Variants in ABCG8 observed in about 807,000 individuals in gnomAD.
ABCG8 encodes the protein ATP binding cassette subfamily G member 8.
Under a neutral mutation model 71.3 loss-of-function variants are expected in ABCG8, and 81 were observed. The ratio of observed to expected loss-of-function variants is 1.14; its 90% CI spans 0.95 to 1.37. The LOEUF is 1.37. ABCG8 is among the 40% of genes most tolerant of loss of function. ABCG8 has a pLI of 0.00. For missense variants in ABCG8, 1,119 were observed against 866.2 expected (o/e 1.29, Z -3.66); for synonymous variants, 451 against 354.7 (o/e 1.27, Z -3.05).
At chr2:43,843,574 A>G (rs972131139) in intron 1 of ABCG8, among the ~76,000 whole-genome samples, 6 of 152,062 alleles carry the variant, frequency 3.9e-5, no homozygotes, top group African/African-American at 1.4e-4. Flanking sequence ...GGATTGCTTG[A>G]GCCTGAGAGG....
In ABCG8 at chr2:43,882,120, A is replaced by C. The variant is rs1344329394; in HGVS notation, c.*4207A>C. The C allele has an allele frequency of 6.6e-6, 1 of 152,168 alleles. No individual in the cohort carries two copies. Among genetic ancestry groups the C allele is most frequent in the Admixed American group, 6.5e-5 (1 of 15,286 alleles). The allele number at this position is 152,168 out of a possible 1,614,324, so 9.4% of individuals were successfully genotyped here. A position where few individuals can be genotyped will look rare whatever the true frequency, so the allele number is the denominator to read the frequency against. ...GGGGAATTTTAATTAAACAGAAAAT[A>C]ATCACCAATATTGGCTCAAATATTT... is the stretch of plus-strand genomic sequence containing the variant. On this transcript the variant is annotated 3_prime_UTR_variant, in exon 13 of 13. Transcript: ENST00000272286.
In ABCG8 at chr2:43,880,109, C is replaced by T. The variant is rs1439580184; in HGVS notation, c.*2196C>T. ...ACCCCGTCGAGCTGGCTTCTGCATC[C>T]TTTTGATATGTCCTCATCATCCTTT... On this transcript the variant is annotated 3_prime_UTR_variant, in exon 13 of 13. Coordinates refer to ENST00000272286, the MANE Select transcript of ABCG8 (RefSeq NM_022437.3). The T allele has an allele frequency of 3.3e-5, 5 of 151,282 alleles. No homozygotes were observed. The highest frequency in any genetic ancestry group is 7.4e-5 in the Non-Finnish European group (5 of 67,948). 9.4% of individuals were successfully genotyped at this position (151,282 alleles called of 1,614,324 possible). A position where few individuals can be genotyped will look rare whatever the true frequency, so the allele number is the denominator to read the frequency against.
chr2:43,868,053 C>G (rs552626814), intron 6 of ABCG8, among the ~76,000 whole-genome samples: 10 of 151,992 alleles, frequency 6.6e-5, no homozygotes, highest in Non-Finnish European at 1.5e-5. Flanking sequence ...CTGGATAGAG[C>G]TCTCACTATC....
chr2:43,862,004 A>G (rs1250297940), intron 6 of ABCG8, among the ~76,000 whole-genome samples: 1 of 151,260 alleles, frequency 6.6e-6, no homozygotes, highest in Non-Finnish European at 1.5e-5. Flanking sequence ...TACTCTCTGG[A>G]TAGAACTCTC....
intron 6 of ABCG8, among the ~76,000 whole-genome samples, chr2:43,869,138 T>G (rs1470472332): frequency 6.6e-6 from 1 of 151,802 alleles, no homozygotes; most frequent in Admixed American, 6.5e-5. Flanking sequence ...ACTCTCTGGA[T>G]AGATCTCTCA....
intron 6 of ABCG8, among the ~76,000 whole-genome samples, chr2:43,859,647 C>T (rs1669235127): frequency 6.6e-6 from 1 of 150,846 alleles, no homozygotes; most frequent in South Asian, 2.1e-4. Flanking sequence ...AAGGATTTCT[C>T]ACCATCCAGA....
intron 1 of ABCG8, 126 bp downstream of exon 1, chr2:43,839,242 C>A: frequency 2.8e-6 from 3 of 1,052,762 alleles, no homozygotes; most frequent in Non-Finnish European, 4.2e-6. Context: ...GAGGACATGG[C>A]CGCAGGACTG....
rs752413010 is a variant in ABCG8, at chr2:43,852,802, A to G, written c.898A>G (p.Met300Val). 8.1e-6 allele frequency: 13 copies of G among 1,613,984 alleles called. No individual in the cohort carries two copies. Among genetic ancestry groups the G allele is most frequent in the African/African-American group, 4.0e-5 (3 of 74,892 alleles). Residue 300 changes from methionine (M) to valine (V), a missense_variant, in exon 6 of 13, where the codon ATG becomes GTG. Met to Val is a conservative substitution (Grantham distance 21, BLOSUM62 1). Coordinates refer to ENST00000272286, the MANE Select transcript of ABCG8 (RefSeq NM_022437.3). Reference protein sequence around the residue: ...TPIYLGAAQHMVQYFTAIGYP... With the variant: ...TPIYLGAAQHVVQYFTAIGYP... ...CATCTACTTAGGGGCGGCCCAGCAC[A>G]TGGTCCAGTATTTCACAGCCATCGG...
chr2:43,855,392 T>A (rs1216739274), intron 6 of ABCG8, among the ~76,000 whole-genome samples: 1 of 151,780 alleles, frequency 6.6e-6, no homozygotes, highest in African/African-American at 2.4e-5. Flanking sequence ...CTGGATAGAA[T>A]TCTCACTCTG....
intron 6 of ABCG8, among the ~76,000 whole-genome samples, chr2:43,862,850 ACT>A (rs1669376112): frequency 6.6e-6 from 1 of 150,946 alleles, no homozygotes; most frequent in African/African-American, 2.4e-5. Flanking sequence ...TAGAATTCTC[ACT>A]CTCTGGATAG....
chr2:43,881,479 G>A lies in ABCG8; in HGVS notation c.*3566G>A, dbSNP rs888483113. On this transcript the variant is annotated 3_prime_UTR_variant, in exon 13 of 13. Coordinates refer to ENST00000272286, the MANE Select transcript of ABCG8 (RefSeq NM_022437.3). The stretch of plus-strand genomic sequence containing the variant: ...TAATCCCAGCACTTTGGGAGGCCGC[G>A]GAGGGCAGATCACGAGGTCAGGAGA... 6.6e-6 allele frequency: 1 copy of A among 152,436 alleles called. No individual in the cohort carries two copies. The highest frequency in any genetic ancestry group is 2.1e-4 in the South Asian group (1 of 4,836). 9.4% of individuals were successfully genotyped at this position (152,436 alleles called of 1,614,324 possible). A position where few individuals can be genotyped will look rare whatever the true frequency, so the allele number is the denominator to read the frequency against.
intron 6 of ABCG8, among the ~76,000 whole-genome samples, chr2:43,856,201 A>T (rs965868592): frequency 1.3e-5 from 2 of 151,734 alleles, no homozygotes; most frequent in African/African-American, 4.8e-5. Flanking sequence ...TAGAATTCTC[A>T]CCCTATGGGT....
intron 2 of ABCG8, among the ~76,000 whole-genome samples, chr2:43,844,888 C>A (rs955611721): frequency 1.3e-5 from 2 of 152,026 alleles, no homozygotes; most frequent in East Asian, 3.8e-4. Flanking sequence ...TCTTTTTAAA[C>A]TATATTTTGA....
At chr2:43,846,457 A>G in intron 3 of ABCG8, 146 bp downstream of exon 3, 1 of 1,224,168 alleles carries the variant, frequency 8.2e-7, no homozygotes, top group African/African-American at 1.5e-5. Flanking sequence ...TCTGGGTCAG[A>G]CAGACCTGGG....
intron 8 of ABCG8, among the ~76,000 whole-genome samples, chr2:43,873,195 T>A (rs1297972583): frequency 2.0e-5 from 3 of 151,808 alleles, no homozygotes; most frequent in African/African-American, 7.3e-5. Flanking sequence ...GTACATTTTT[T>A]TTTTTTTTTT....
At chr2:43,846,537 C>G (rs1668749437) in intron 3 of ABCG8, 2 of 582,046 alleles carry the variant, frequency 3.4e-6, no homozygotes, top group Admixed American at 5.2e-5. Context: ...GAGTGCGCCT[C>G]TTGTCCACCC....
chr2:43,872,574 G>A (rs531291870), intron 8 of ABCG8, among the ~76,000 whole-genome samples: 1 of 152,072 alleles, frequency 6.6e-6, no homozygotes, highest in Admixed American at 6.6e-5. Flanking sequence ...ATTATAAAAA[G>A]TAGCCAGTTA....
intron 6 of ABCG8, among the ~76,000 whole-genome samples, chr2:43,855,293 T>A (rs964200004): frequency 2.0e-5 from 3 of 152,124 alleles, no homozygotes; most frequent in Non-Finnish European, 4.4e-5. Context: ...ACTCTCACTA[T>A]CTATCGAGAT....
chr2:43,873,118 T>C (rs1181265157), intron 8 of ABCG8, among the ~76,000 whole-genome samples: 2 of 151,956 alleles, frequency 1.3e-5, no homozygotes, highest in Non-Finnish European at 2.9e-5. Flanking sequence ...ATTAAGTCCA[T>C]CTTGATGGCC....
Sources: gnomAD v4.1 joint callset for allele counts (sites outside exome capture counted in the v4.1 genomes callset) on GRCh38, gnomAD v4.1.1 for gene constraint, MANE v1.5 for transcripts, NCBI Gene and HGNC (gene_info 2026-07-23, HGNC 2026-07-21) for gene names.